Variants in TLK1 observed in about 807,000 individuals in gnomAD.
TLK1 encodes the protein serine/threonine-protein kinase tousled-like 1.
In TLK1, 24 loss-of-function variants were observed where a neutral mutation model predicts 105.3. The observed-to-expected ratio is 0.23, with a 90% CI of 0.17 to 0.32. TLK1 has a LOEUF of 0.32. Ranked by LOEUF, TLK1 falls within the 10% of genes least tolerant of loss-of-function variation. TLK1 has a pLI of 1.00. For synonymous variants in TLK1, 321 were observed against 310.4 expected, an observed-to-expected ratio of 1.03 and a Z score of -0.36; for missense variants, 558 against 910.5, an observed-to-expected ratio of 0.61 and a Z score of 4.98.
chr2:171,134,676 T>C (rs968650706), intron 1 of TLK1, among the ~76,000 whole-genome samples: 36 of 139,692 alleles, frequency 2.6e-4, no homozygotes, highest in African/African-American at 8.7e-4. Flanking sequence ...AACAGATGAA[T>C]AGGAAAAAAA....
At chr2:171,086,267 G>A (rs1395933936) in intron 2 of TLK1, among the ~76,000 whole-genome samples, 1 of 152,034 alleles carries the variant, frequency 6.6e-6, no homozygotes, top group Non-Finnish European at 1.5e-5. Context: ...GGAAAAAAAG[G>A]ATTTAAAAAA....
chr2:171,175,687 C>A (rs78813632), intron 1 of TLK1, among the ~76,000 whole-genome samples: 7,360 of 152,208 alleles, frequency 0.048, 471 homozygotes, highest in East Asian at 0.3. Flanking sequence ...ATCTAACTAG[C>A]CCTCCTAGCA....
rs1683885783 is a variant in TLK1 at position 170,993,546 on chromosome 2, T to G, written c.*234A>C. 8 of 375,616 alleles carry G rather than the reference T, an allele frequency of 2.1e-5. No individual in the cohort carries two copies. Among genetic ancestry groups the G allele is most frequent in the Non-Finnish European group, 3.7e-5 (8 of 216,096 alleles). 23.3% of individuals were successfully genotyped at this position (375,616 alleles called of 1,614,324 possible). On this transcript the variant is annotated 3_prime_UTR_variant, in exon 21 of 21. Transcript: ENST00000431350. ...GTTTCTGTGTAACAGGCAGTCATCC[T>G]TCCTTCACTGCTCAAAATTATAGTC...
At chr2:171,032,631 T>C (rs1686099085) in intron 11 of TLK1, among the ~76,000 whole-genome samples, 1 of 152,130 alleles carries the variant, frequency 6.6e-6, no homozygotes. Flanking sequence ...TGTCCACAGA[T>C]TGGAGACTTT....
chr2:171,081,850 CT>C (rs1271194101), intron 3 of TLK1: 2 of 455,602 alleles, frequency 4.4e-6, no homozygotes, highest in Non-Finnish European at 7.9e-6. Context: ...AAGATGCCAC[CT>C]TTGAAGTTCC....
At chr2:171,027,929 A>C (rs1327476751) in intron 12 of TLK1, among the ~76,000 whole-genome samples, 2 of 152,154 alleles carry the variant, frequency 1.3e-5, no homozygotes, top group Non-Finnish European at 2.9e-5. Flanking sequence ...TTGGGAGGCC[A>C]AGGTGGGTGG....
At chr2:171,065,471 G>C (rs1027597071) in intron 3 of TLK1, among the ~76,000 whole-genome samples, 2 of 151,416 alleles carry the variant, frequency 1.3e-5, no homozygotes, top group African/African-American at 2.4e-5. Flanking sequence ...CTGACAGAAT[G>C]AATTTTTTTC....
chr2:170,994,065 A>C, intron 20 of TLK1, 109 bp from the exon 21 acceptor site: 218 of 1,179,578 alleles, frequency 1.8e-4, no homozygotes, highest in Non-Finnish European at 2.2e-4. Context: ...AGTAGATCTC[A>C]TTTTATTGGA....
intron 1 of TLK1, among the ~76,000 whole-genome samples, chr2:171,152,023 A>C (rs10199500): frequency 0.44 from 66,548 of 152,040 alleles, 17,460 homozygotes; most frequent in African/African-American, 0.73. Flanking sequence ...TCTGACCTTC[A>C]CCAGAGGAAC....
At chr2:171,115,199 T>G (rs1053653193) in intron 2 of TLK1, among the ~76,000 whole-genome samples, 11 of 139,010 alleles carry the variant, frequency 7.9e-5, no homozygotes, top group African/African-American at 3.4e-4. Flanking sequence ...GAGACTGAGT[T>G]TCGCTCTTGT....
chr2:171,225,212 GAGAAA>G (rs1259016048), intron 1 of TLK1, among the ~76,000 whole-genome samples: 1 of 152,116 alleles, frequency 6.6e-6, no homozygotes, highest in African/African-American at 2.4e-5. Context: ...CACAAATTGG[GAGAAA>G]ATACTTGCAA....
chr2:171,221,995 A>T (rs116391225), intron 1 of TLK1, among the ~76,000 whole-genome samples: 3,418 of 152,306 alleles, frequency 0.022, 127 homozygotes, highest in African/African-American at 0.077. Flanking sequence ...GTTCCTCAAC[A>T]TTTCCCAGGC....
rs1692444111 is a variant in TLK1, at chr2:171,160,532, A to G, written c.-104T>C. ...GCGGGGGCCGCGCTGAGGGCGAGCG[A>G]GAGAGCGAGGGCTGGGAGGGGAGAG... On this transcript the variant is annotated 5_prime_UTR_variant, in exon 1 of 21. Transcript: ENST00000431350. This position sits in a 1 kb window ranked among gnomAD's most constrained non-coding sequence, Gnocchi z 4.4. 2 of 1,484,706 alleles carry G rather than the reference A, an allele frequency of 1.3e-6. No homozygotes were observed. Among genetic ancestry groups the G allele is most frequent in the East Asian group, 2.9e-5 (1 of 34,462 alleles). The allele number at this position is 1,484,706 out of a possible 1,614,324, so 92.0% of individuals were successfully genotyped here.
At chr2:171,176,291 T>C (rs1692823400) in intron 1 of TLK1, among the ~76,000 whole-genome samples, 1 of 152,154 alleles carries the variant, frequency 6.6e-6, no homozygotes, top group Non-Finnish European at 1.5e-5. Context: ...GGGACCAGTG[T>C]TGAGCAGCAC....
intron 3 of TLK1, among the ~76,000 whole-genome samples, chr2:171,076,244 G>C (rs570811445): frequency 1.3e-5 from 2 of 151,954 alleles, no homozygotes; most frequent in Admixed American, 1.3e-4. Flanking sequence ...AAAAGAGGTA[G>C]GGGCCTCATG....
chr2:171,100,125 T>C (rs773974994), intron 2 of TLK1, among the ~76,000 whole-genome samples: 67 of 152,160 alleles, frequency 4.4e-4, no homozygotes, highest in Non-Finnish European at 7.6e-4. Context: ...AGAGAAGATA[T>C]ATGAATGGAA....
chr2:171,117,261 G>A (rs942021421), intron 2 of TLK1, among the ~76,000 whole-genome samples: 1 of 152,130 alleles, frequency 6.6e-6, no homozygotes, highest in Non-Finnish European at 1.5e-5. Context: ...AGAATCTAAC[G>A]CTGCTGAATC....
intron 14 of TLK1, among the ~76,000 whole-genome samples, chr2:171,007,552 A>G (rs946401272): frequency 2.0e-5 from 3 of 152,028 alleles, no homozygotes; most frequent in Non-Finnish European, 2.9e-5. Flanking sequence ...GTTATTATAA[A>G]ACTGTTCAAA....
At chr2:171,104,053 A>T (rs548806156) in intron 2 of TLK1, among the ~76,000 whole-genome samples, 4 of 152,292 alleles carry the variant, frequency 2.6e-5, no homozygotes, top group African/African-American at 9.6e-5. Context: ...CTTTGGGAGG[A>T]TCACTTGAGG....
Sources: gnomAD v4.1 joint callset for allele counts (sites outside exome capture counted in the v4.1 genomes callset) on GRCh38, gnomAD v4.1.1 for gene constraint, Gnocchi (gnomAD v3.1) non-coding constraint, MANE v1.5 for transcripts, NCBI Gene and HGNC (gene_info 2026-07-23, HGNC 2026-07-21) for gene names.